The following ARHGAP39 variants were observed in gnomAD, a reference collection of about 807,000 sequenced individuals.
The protein encoded by ARHGAP39 is rho GTPase-activating protein 39.
Under a neutral mutation model 106.9 loss-of-function variants are expected in ARHGAP39, and 44 were observed. The observed-to-expected ratio is 0.41, with a 90% CI of 0.32 to 0.53. The LOEUF is 0.53. Ranked by LOEUF, ARHGAP39 falls within the 20% of genes least tolerant of loss-of-function variation. ARHGAP39 has a pLI of 0.21. For synonymous variants in ARHGAP39, 768 were observed against 693.2 expected (o/e 1.11, Z -1.69); for missense variants, 1,496 against 1,577.3 (o/e 0.95, Z 0.87).
chr8:144,649,425 G>A (rs1231400592), intron 1 of ARHGAP39, among the ~76,000 whole-genome samples: 1 of 152,040 alleles, frequency 6.6e-6, no homozygotes, highest in Non-Finnish European at 1.5e-5. Context: ...ACTCCAGCCT[G>A]GGTGACAGAG....
chr8:144,564,809 C>CT lies in ARHGAP39; in HGVS notation c.513-9167dup, dbSNP rs1256946596. ...CAGCCTGGGCAACATAGTGAGATCT[C>CT]TAAAAAAAAAAAAAAAGGCCAGGCA... is the stretch of plus-strand genomic sequence containing the variant. On this transcript the variant is annotated intron_variant, in intron 3 of 11. Transcript: ENST00000377307. 7.1e-5 allele frequency among the ~76,000 whole-genome samples: 10 copies of CT among 140,246 alleles called. 1 individual carries two copies. Among genetic ancestry groups the CT allele is most frequent in the East Asian group, 6.2e-4 (3 of 4,826 alleles). 92.0% of individuals were successfully genotyped at this position (140,246 alleles called of 152,430 possible).
intron 1 of ARHGAP39, among the ~76,000 whole-genome samples, chr8:144,652,285 G>C (rs1306930837): frequency 6.6e-6 from 1 of 152,148 alleles, no homozygotes; most frequent in Non-Finnish European, 1.5e-5. Context: ...TAGTGAGGTT[G>C]TGGAGAAAAG....
chr8:144,636,180 G>A (rs1821169308), intron 1 of ARHGAP39, among the ~76,000 whole-genome samples: 1 of 152,228 alleles, frequency 6.6e-6, no homozygotes, highest in Non-Finnish European at 1.5e-5. Flanking sequence ...GGTGTCTGCT[G>A]TGGGACTGAT....
intron 2 of ARHGAP39, among the ~76,000 whole-genome samples, chr8:144,588,636 C>T (rs1436979521): frequency 6.6e-6 from 1 of 152,230 alleles, no homozygotes; most frequent in Non-Finnish European, 1.5e-5. Flanking sequence ...CCCAGTAGGG[C>T]TGGGGACCCA....
chr8:144,600,190 C>G (rs536092296), intron 2 of ARHGAP39, among the ~76,000 whole-genome samples: 4 of 148,628 alleles, frequency 2.7e-5, no homozygotes, highest in African/African-American at 1.0e-4. Context: ...CACTTGTGTA[C>G]CTACCTGCGT....
rs1453967711 is a variant in ARHGAP39 at position 144,537,805 on chromosome 8, G to A, written c.2530C>T (p.His844Tyr). 6.2e-7 allele frequency: 1 copy of A among 1,613,970 alleles called. No individual in the cohort carries two copies. The highest frequency in any genetic ancestry group is 1.1e-5 in the South Asian group (1 of 91,088). The change falls in exon 7 of 12, where the codon CAC becomes TAC. Residue 844 changes from histidine (H) to tyrosine (Y), a missense_variant. His to Tyr is a moderately conservative substitution (Grantham distance 83). Around this residue, in one of 4 missense-constraint regions of ARHGAP39, gnomAD observed 470 missense variants for 605.1 expected, o/e 0.78. Coordinates refer to ENST00000377307, the MANE Select transcript of ARHGAP39 (RefSeq NM_025251.3). ...TTTCTTTCCAGGAGCTCTTTTATGT[G>A]CTGTGTCACTGGGGAGCAAAGACAA... is the stretch of plus-strand genomic sequence containing the variant. ...DPVNDTKVTQHIKELLERNTK... is the reference protein window; with the variant it reads ...DPVNDTKVTQYIKELLERNTK...
chr8:144,673,643 T>C (rs1586651035), intron 1 of ARHGAP39, among the ~76,000 whole-genome samples: 2 of 152,310 alleles, frequency 1.3e-5, no homozygotes, highest in East Asian at 3.9e-4. Context: ...ATCCTTGGGG[T>C]GTCGCTTCAC....
At chr8:144,597,291 C>A (rs1338048983) in intron 2 of ARHGAP39, among the ~76,000 whole-genome samples, 1 of 152,242 alleles carries the variant, frequency 6.6e-6, no homozygotes, top group East Asian at 1.9e-4. Context: ...CCAGGACACT[C>A]TGCACCAGCA....
rs555902795 is a variant in ARHGAP39 at position 144,530,979 on chromosome 8, G to C, written c.2981-108C>G. The C allele has an allele frequency of 7.9e-6, 11 of 1,396,598 alleles. No homozygotes were observed. In the South Asian group the frequency reaches 1.2e-4, roughly 16 times the overall value. The allele number at this position is 1,396,598 out of a possible 1,614,324, so 86.5% of individuals were successfully genotyped here. A position where few individuals can be genotyped will look rare whatever the true frequency, so the allele number is the denominator to read the frequency against. The stretch of plus-strand genomic sequence containing the variant: ...AGGGGTGCTGTGGGGGACAGGCTGG[G>C]AGGGCCGGCTCATTCTGGACAGGGC... On this transcript the variant is annotated intron_variant, in intron 10 of 11. Coordinates refer to ENST00000377307, the MANE Select transcript of ARHGAP39 (RefSeq NM_025251.3).
At position 144,597,126 on chromosome 8, in the gene ARHGAP39, C is replaced by T. The variant is rs189690261; in HGVS notation, c.80+8409G>A. On this transcript the variant is annotated intron_variant, in intron 2 of 11. Coordinates refer to ENST00000377307, the MANE Select transcript of ARHGAP39 (RefSeq NM_025251.3). ...ACAGAGGAGGGACCTGGCTGACTGC[C>T]TGTGGAGCCTGGGAGGAGGGCGACC... Among the ~76,000 whole-genome samples the T allele has an allele frequency of 9.8e-5, 15 of 152,350 alleles. No homozygotes were observed. The East Asian group carries it at 2.7e-3, about 27-fold the overall frequency.
chr8:144,697,803 T>C, the ARHGAP39 span, among the ~76,000 whole-genome samples: 1 of 152,220 alleles, frequency 6.6e-6, no homozygotes, highest in African/African-American at 2.4e-5. Flanking sequence ...GTTTTTTCTC[T>C]TTTAATTTGT....
chr8:144,621,301 G>A (rs748796590), intron 1 of ARHGAP39, among the ~76,000 whole-genome samples: 26 of 152,258 alleles, frequency 1.7e-4, no homozygotes, highest in Admixed American at 7.2e-4. Flanking sequence ...AACAGAAACC[G>A]CCCACTTCCC....
In ARHGAP39 at chr8:144,644,391, G is replaced by A. The variant is rs1263486732; in HGVS notation, c.-81-38696C>T. On this transcript the variant is annotated intron_variant, in intron 1 of 11. Coordinates refer to ENST00000377307, the MANE Select transcript of ARHGAP39 (RefSeq NM_025251.3). The surrounding 1 kb of genome is among the most constrained non-coding windows in gnomAD (Gnocchi z 4.8). ...GGAGCGGCAGATCGGCAGAGATGGA[G>A]GCGGCTATGAGGCGGGGCTGGGCAC... 6.6e-6 allele frequency among the ~76,000 whole-genome samples: 1 copy of A among 152,184 alleles called. No homozygotes were observed. Among genetic ancestry groups the A allele is most frequent in the Non-Finnish European group, 1.5e-5 (1 of 68,032 alleles).
At chr8:144,696,430 A>G in the ARHGAP39 span, among the ~76,000 whole-genome samples, 3 of 152,114 alleles carry the variant, frequency 2.0e-5, no homozygotes, top group African/African-American at 7.2e-5. Flanking sequence ...GAGCCACCGC[A>G]CCTGGCCGTG....
At chr8:144,623,777 C>T (rs957155415) in intron 1 of ARHGAP39, among the ~76,000 whole-genome samples, 3 of 152,184 alleles carry the variant, frequency 2.0e-5, no homozygotes, top group East Asian at 3.8e-4. Flanking sequence ...TGTCAGAGGC[C>T]GCAGCACCCA....
intron 2 of ARHGAP39, among the ~76,000 whole-genome samples, chr8:144,590,149 T>G (rs528135868): frequency 5.9e-5 from 9 of 152,344 alleles, no homozygotes; most frequent in Admixed American, 1.3e-4. Flanking sequence ...CGACAGGGCC[T>G]GACAGAAGAT....
intron 3 of ARHGAP39, among the ~76,000 whole-genome samples, chr8:144,574,546 C>A (rs1455469290): frequency 2.0e-5 from 3 of 152,096 alleles, no homozygotes; most frequent in Admixed American, 6.5e-5. Flanking sequence ...TGGTGGCGGG[C>A]ACCTGTAGTC....
At position 144,684,846 on chromosome 8, in the gene ARHGAP39, C is replaced by T. The variant is rs1389286436; in HGVS notation, c.-82+840G>A. ...TGCCGCAGAGGCGAGGCCGCAGAGC[C>T]CACCCGCAGGCGGCCATGACCCCAC... On this transcript the variant is annotated intron_variant, in intron 1 of 11. Transcript: ENST00000377307. The surrounding 1 kb of genome is among the most constrained non-coding windows in gnomAD (Gnocchi z 4.4). Among the ~76,000 whole-genome samples, 6 of 152,196 alleles carry T rather than the reference C, an allele frequency of 3.9e-5. No individual in the cohort carries two copies. The highest frequency in any genetic ancestry group is 8.8e-5 in the Non-Finnish European group (6 of 68,018).
Position 144,548,456 on chromosome 8 carries a change from T to C in ARHGAP39, c.630A>G (p.Lys210=). ...CAGCGACCTTGATGAGCATGCGCTC[T>C]TTGGCGCCCGAGTTCCACCGCAGCG... The part of the protein sequence containing the change: ...TSSLRWNSGA[K]ERMLIKVADR... Residue 210 remains lysine, a synonymous_variant, in exon 5 of 12, where the codon AAA becomes AAG. Transcript: ENST00000377307. The surrounding 1 kb of genome is among the most constrained non-coding windows in gnomAD (Gnocchi z 7.4). The C allele has an allele frequency of 6.2e-7, 1 of 1,610,548 alleles. No individual in the cohort carries two copies. The highest frequency in any genetic ancestry group is 1.1e-5 in the South Asian group (1 of 91,012).
Sources: gnomAD v4.1 joint callset for allele counts (sites outside exome capture counted in the v4.1 genomes callset) on GRCh38, gnomAD v4.1.1 for gene constraint, gnomAD v4.1.1 regional missense constraint, Gnocchi (gnomAD v3.1) non-coding constraint, MANE v1.5 for transcripts, NCBI Gene and HGNC (gene_info 2026-07-23, HGNC 2026-07-21) for gene names.